LPIN2: variants seen among roughly 807,000 people sequenced by gnomAD.
LPIN2 encodes the protein phosphatidate phosphatase LPIN2.
A neutral mutation model predicts 111.4 loss-of-function variants in LPIN2; 55 were observed. The observed-to-expected ratio is 0.49, with a 90% confidence interval of 0.40 to 0.62. The LOEUF (loss-of-function observed/expected upper bound fraction) is 0.62. Among genes scored for constraint, LPIN2 ranks in the 20% least tolerant of loss-of-function variants. The pLI is 0.00. For synonymous variants in LPIN2, 425 were observed against 414.0 expected, an observed-to-expected ratio of 1.03 and a Z score of -0.32; for missense variants, 992 against 1,112.1, an observed-to-expected ratio of 0.89 and a Z score of 1.54.
At chr18:2,995,830 G>T (rs763129653) in intron 1 of LPIN2, among the ~76,000 whole-genome samples, 1 of 152,176 alleles carries the variant, frequency 6.6e-6, no homozygotes, top group Non-Finnish European at 1.5e-5. Context: ...AAAGGAAGGG[G>T]TGTTTCAAAA....
At chr18:2,993,554 C>T (rs1374934685) in intron 1 of LPIN2, among the ~76,000 whole-genome samples, 1 of 152,120 alleles carries the variant, frequency 6.6e-6, no homozygotes. Context: ...AAAGTATTTC[C>T]CACAACTTAG....
At chr18:3,000,490 A>G (rs941900542) in intron 1 of LPIN2, among the ~76,000 whole-genome samples, 1 of 152,236 alleles carries the variant, frequency 6.6e-6, no homozygotes, top group Non-Finnish European at 1.5e-5. Context: ...GACAACGTTA[A>G]AGGCTACACA....
intron 1 of LPIN2, among the ~76,000 whole-genome samples, chr18:3,004,677 T>C (rs1230449313): frequency 2.0e-5 from 3 of 152,160 alleles, no homozygotes; most frequent in South Asian, 2.1e-4. Context: ...ACGTCTCACA[T>C]AGTCCCACTG....
chr18:2,920,299 C>T lies in LPIN2; in HGVS notation c.2685G>A (p.Leu895=). ...CACCCACTGAGGTGCCGCCTCAAGA[C>T]AGGTCATCCAGGTCCACTTCAGGGA... ...DPIPEVDLDD[L]S The change falls in exon 20 of 20, where the codon CTG becomes CTA. Residue 895 remains leucine (L), a synonymous_variant. Transcript: ENST00000677752. The T allele has an allele frequency of 6.2e-7, 1 of 1,614,160 alleles. No individual in the cohort carries two copies. The highest frequency in any genetic ancestry group is 8.5e-7 in the Non-Finnish European group (1 of 1,180,046).
At chr18:2,990,670 C>T in intron 1 of LPIN2, 1 of 259,728 alleles carries the variant, frequency 3.9e-6, no homozygotes, top group Non-Finnish European at 7.8e-6. Flanking sequence ...CAACACACAC[C>T]TCATCCATGA....
chr18:2,965,822 G>A (rs997108465), intron 1 of LPIN2, among the ~76,000 whole-genome samples: 5 of 151,298 alleles, frequency 3.3e-5, no homozygotes, highest in African/African-American at 1.2e-4. Flanking sequence ...ATTATTTGAT[G>A]TGTTCAATCA....
In LPIN2 at chr18:2,937,389, C is replaced by G. The variant is rs553012311; in HGVS notation, c.1168+303G>C. Reference sequence around the variant, plus strand: ...TGAAATGCCATCTCTATTAAAAATACAAAAAATCAGCCGGGGATGGTGGTG... The same window carrying G: ...TGAAATGCCATCTCTATTAAAAATAGAAAAAATCAGCCGGGGATGGTGGTG... On this transcript the variant is annotated intron_variant, in intron 7 of 19. Coordinates refer to ENST00000677752, the MANE Select transcript of LPIN2 (RefSeq NM_001375808.2). Among the ~76,000 whole-genome samples, 4 of 151,752 alleles carry G rather than the reference C, an allele frequency of 2.6e-5. No individual in the cohort carries two copies. In the South Asian group the frequency reaches 6.2e-4, roughly 24 times the overall value.
intron 4 of LPIN2, chr18:2,946,707 T>C: frequency 3.3e-6 from 2 of 602,638 alleles, no homozygotes; most frequent in South Asian, 2.0e-5. Context: ...GGATAAATTA[T>C]AGGTGCAACA....
intron 4 of LPIN2, among the ~76,000 whole-genome samples, chr18:2,945,104 A>G (rs1040787860): frequency 6.6e-6 from 1 of 152,238 alleles, no homozygotes; most frequent in African/African-American, 2.4e-5. Flanking sequence ...AATATTTTCA[A>G]GTACCGTAAG....
At chr18:2,933,379 A>G (rs1433628506) in intron 8 of LPIN2, among the ~76,000 whole-genome samples, 1 of 152,162 alleles carries the variant, frequency 6.6e-6, no homozygotes, top group East Asian at 1.9e-4. Flanking sequence ...ATGTGGGGGG[A>G]AAAGTGGTAA....
At chr18:2,937,102 C>G (rs2077297319) in intron 7 of LPIN2, among the ~76,000 whole-genome samples, 2 of 152,264 alleles carry the variant, frequency 1.3e-5, no homozygotes, top group South Asian at 4.2e-4. Context: ...TTTTACTCAT[C>G]AATTGATTAC....
At chr18:2,965,466 C>T (rs1349020260) in intron 1 of LPIN2, among the ~76,000 whole-genome samples, 3 of 152,088 alleles carry the variant, frequency 2.0e-5, no homozygotes, top group Non-Finnish European at 2.9e-5. Context: ...CGGTGGCTCA[C>T]GCCTGTAATC....
chr18:2,920,720 G>A (rs995962591), intron 19 of LPIN2, 58 bp downstream of exon 19: 66 of 1,285,378 alleles, frequency 5.1e-5, no homozygotes, highest in Non-Finnish European at 7.5e-5. Context: ...GGGTCTGTCT[G>A]TCCCCAACTG....
Position 2,951,270 on chromosome 18 carries a change from C to T in LPIN2, c.375G>A (p.Ser125=), listed in dbSNP as rs752271556. The T allele has an allele frequency of 1.4e-5, 23 of 1,613,888 alleles. No homozygotes were observed. The highest frequency in any genetic ancestry group is 3.3e-5 in the Admixed American group (2 of 59,982). The change falls in exon 4 of 20, where the codon TCG becomes TCA. Residue 125 remains serine (S), a synonymous_variant. Transcript: ENST00000677752. Reference sequence around the variant, plus strand: ...TCTGAGATGGTGTTTCATCTCCACCCGATTTCACCAAAGGGGTGTCAATAT... The same window carrying T: ...TCTGAGATGGTGTTTCATCTCCACCTGATTTCACCAAAGGGGTGTCAATAT... ...FKDIDTPLVK[S]GGDETPSQSS...
At chr18:2,950,584 C>G (rs55687599) in intron 4 of LPIN2, 17,187 of 187,570 alleles carry the variant, frequency 0.092, 866 homozygotes, top group South Asian at 0.13. Flanking sequence ...ATAATGAGCT[C>G]TTCTACAGAG....
chr18:2,981,719 G>A (rs907140917), intron 1 of LPIN2, among the ~76,000 whole-genome samples: 13 of 152,226 alleles, frequency 8.5e-5, no homozygotes, highest in African/African-American at 2.4e-4. Context: ...TTCAAACCAC[G>A]TCTTTCCATT....
intron 4 of LPIN2, chr18:2,945,842 C>A: frequency 6.8e-7 from 1 of 1,467,746 alleles, no homozygotes; most frequent in Non-Finnish European, 9.5e-7. Context: ...CAGTCTGATG[C>A]CAGTCATGTC....
At chr18:2,994,847 G>GTTTAAACCACT (rs2078318011) in intron 1 of LPIN2, among the ~76,000 whole-genome samples, 3 of 152,162 alleles carry the variant, frequency 2.0e-5, no homozygotes. Context: ...GAGAACCACT[G>GTTTAAACCACT]GTTTAAACAG....
At chr18:3,002,413 A>C (rs2078448377) in intron 1 of LPIN2, among the ~76,000 whole-genome samples, 1 of 152,190 alleles carries the variant, frequency 6.6e-6, no homozygotes, top group Non-Finnish European at 1.5e-5. Context: ...CTTATGAACT[A>C]ATCAGCAGAT....
Sources: gnomAD v4.1 joint callset for allele counts (sites outside exome capture counted in the v4.1 genomes callset) on GRCh38, gnomAD v4.1.1 for gene constraint, MANE v1.5 for transcripts, NCBI Gene and HGNC (gene_info 2026-07-23, HGNC 2026-07-21) for gene names.